HTR4: variants seen among roughly 807,000 people sequenced by gnomAD.
The protein encoded by HTR4 is 5-hydroxytryptamine receptor 4.
Under a neutral mutation model 36.8 loss-of-function variants are expected in HTR4, and 16 were observed. The observed-to-expected ratio is 0.43, with a 90% CI of 0.29 to 0.66. The LOEUF is 0.66. Among genes scored for constraint, HTR4 ranks in the 30% least tolerant of loss-of-function variants. The probability of loss-of-function intolerance (pLI) is 0.13; values close to 1 mark genes in which losing one functional copy is unlikely to be tolerated. For synonymous variants in HTR4, 189 were observed against 185.1 expected, an observed-to-expected ratio of 1.02 and a Z score of -0.17; for missense variants, 438 against 490.9, an observed-to-expected ratio of 0.89 and a Z score of 1.02.
At chr5:148,606,256 C>A (rs1752159560) in intron 2 of HTR4, among the ~76,000 whole-genome samples, 1 of 151,916 alleles carries the variant, frequency 6.6e-6, no homozygotes, top group Non-Finnish European at 1.5e-5. Flanking sequence ...AAAATTAGAG[C>A]TGAGAGAATG....
intron 6 of HTR4, chr5:148,490,803 C>T: frequency 1.2e-6 from 1 of 835,944 alleles, no homozygotes; most frequent in Non-Finnish European, 1.7e-6. Context: ...CTCTCTCCCT[C>T]ACATTATGCA....
chr5:148,520,508 G>C (rs1453273002), intron 5 of HTR4, among the ~76,000 whole-genome samples: 2 of 152,152 alleles, frequency 1.3e-5, no homozygotes, highest in African/African-American at 4.8e-5. Context: ...TAAATTAAGA[G>C]CACAGACTCT....
chr5:148,603,267 A>G (rs1408090697), intron 2 of HTR4, among the ~76,000 whole-genome samples: 1 of 152,062 alleles, frequency 6.6e-6, no homozygotes, highest in Non-Finnish European at 1.5e-5. Context: ...GCAATTCTCC[A>G]TGTTAATAAA....
chr5:148,514,721 C>T lies in HTR4; in HGVS notation c.508-4697G>A, dbSNP rs1757655492. 2.6e-5 allele frequency among the ~76,000 whole-genome samples: 4 copies of T among 152,040 alleles called. No individual in the cohort carries two copies. The South Asian group carries it at 6.2e-4, about 24-fold the overall frequency. On this transcript the variant is annotated intron_variant, in intron 5 of 6. Transcript: ENST00000377888. Reference sequence around the variant, plus strand: ...CATATTCAGTATCTTGTTTTATAGACTATTATAAGGTTATCATGTATCATC... The same window carrying T: ...CATATTCAGTATCTTGTTTTATAGATTATTATAAGGTTATCATGTATCATC...
chr5:148,580,725 A>T (rs1483312286), intron 2 of HTR4, among the ~76,000 whole-genome samples: 2 of 152,076 alleles, frequency 1.3e-5, no homozygotes, highest in Admixed American at 6.6e-5. Context: ...AGGCTAAATA[A>T]TATTCAACTT....
intron 2 of HTR4, among the ~76,000 whole-genome samples, chr5:148,626,916 G>A (rs1245137099): frequency 6.6e-6 from 1 of 152,122 alleles, no homozygotes; most frequent in Admixed American, 6.5e-5. Flanking sequence ...ATGTTCCACA[G>A]TTATCTCCAT....
At chr5:148,548,105 T>C (rs1759480015) in intron 4 of HTR4, among the ~76,000 whole-genome samples, 3 of 152,128 alleles carry the variant, frequency 2.0e-5, no homozygotes, top group Non-Finnish European at 4.4e-5. Flanking sequence ...AAAATAAAAT[T>C]ATGCCACAAG....
In HTR4 at chr5:148,451,268, T is replaced by C. The variant is rs1296116338; in HGVS notation, c.1081A>G (p.Thr361Ala). 3.7e-6 allele frequency: 6 copies of C among 1,613,756 alleles called. No individual in the cohort carries two copies. The Admixed American group carries it at 5.0e-5, about 13-fold the overall frequency. ...TGATGATGTCCCCTGTGCAGAACGGTGTACCTAGAAAGGAAGGAAAGAAGG... is the reference window on the plus strand; with the variant it reads ...TGATGATGTCCCCTGTGCAGAACGGCGTACCTAGAAAGGAAGGAAAGAAGG... The change falls in exon 6 of 6, where the codon ACC becomes GCC. Residue 361 changes from threonine to alanine, a missense_variant. Thr to Ala is a moderately conservative substitution (Grantham distance 58, BLOSUM62 0). Transcript: ENST00000521530.
chr5:148,644,850 A>G (rs1384462712), intron 1 of HTR4: 1 of 152,192 alleles, frequency 6.6e-6, no homozygotes, highest in Non-Finnish European at 1.5e-5. Flanking sequence ...TTTCAGGTCC[A>G]TCATTGGAAG....
intron 4 of HTR4, among the ~76,000 whole-genome samples, chr5:148,534,338 C>G (rs773596142): frequency 6.6e-6 from 1 of 152,162 alleles, no homozygotes; most frequent in Non-Finnish European, 1.5e-5. Context: ...AGTGGGAGAT[C>G]CAAGGTGACT....
chr5:148,507,134 T>C (rs1656019896), intron 6 of HTR4, among the ~76,000 whole-genome samples: 1 of 151,824 alleles, frequency 6.6e-6, no homozygotes, highest in African/African-American at 2.4e-5. Context: ...CAAATGTCCA[T>C]CAATGATAGA....
intron 6 of HTR4, among the ~76,000 whole-genome samples, chr5:148,507,703 C>T (rs959172449): frequency 1.3e-5 from 2 of 151,958 alleles, no homozygotes; most frequent in Non-Finnish European, 2.9e-5. Context: ...AACAATACAT[C>T]TTATTTAGTA....
intron 2 of HTR4, among the ~76,000 whole-genome samples, chr5:148,575,559 C>A (rs1009565428): frequency 2.0e-5 from 3 of 151,962 alleles, no homozygotes. Flanking sequence ...ACACCTGCTA[C>A]CCACTCCTAG....
At chr5:148,645,285 A>T (rs1434712644) in intron 1 of HTR4, 1 of 152,180 alleles carries the variant, frequency 6.6e-6, no homozygotes, top group Non-Finnish European at 1.5e-5. Flanking sequence ...CAACTACTCA[A>T]CTCTGCTGTG....
At chr5:148,578,075 C>T (rs1254929931) in intron 2 of HTR4, among the ~76,000 whole-genome samples, 1 of 151,868 alleles carries the variant, frequency 6.6e-6, no homozygotes, top group East Asian at 1.9e-4. Flanking sequence ...TACTAAATAT[C>T]ATTTTGTAAT....
chr5:148,570,009 C>G (rs1760610772), intron 2 of HTR4, among the ~76,000 whole-genome samples: 1 of 152,060 alleles, frequency 6.6e-6, no homozygotes, highest in Non-Finnish European at 1.5e-5. Context: ...TGCACTCTGG[C>G]CAACACCTAA....
chr5:148,522,889 G>C (rs1758087303), intron 5 of HTR4, among the ~76,000 whole-genome samples: 1 of 152,038 alleles, frequency 6.6e-6, no homozygotes, highest in South Asian at 2.1e-4. Context: ...TATCAAGGGT[G>C]GGGGATTCTG....
At chr5:148,634,132 C>A (rs1172712723) in intron 2 of HTR4, among the ~76,000 whole-genome samples, 8 of 152,168 alleles carry the variant, frequency 5.3e-5, no homozygotes, top group African/African-American at 1.9e-4. Flanking sequence ...TAGGACCACT[C>A]TGTCTCTTGA....
At chr5:148,642,643 C>T (rs1487951937) in intron 1 of HTR4, among the ~76,000 whole-genome samples, 1 of 152,066 alleles carries the variant, frequency 6.6e-6, no homozygotes, top group Non-Finnish European at 1.5e-5. Context: ...CCATGATGAT[C>T]GTGATTTCCT....
Sources: gnomAD v4.1 joint callset for allele counts (sites outside exome capture counted in the v4.1 genomes callset) on GRCh38, gnomAD v4.1.1 for gene constraint, MANE v1.5 for transcripts, NCBI Gene and HGNC (gene_info 2026-07-23, HGNC 2026-07-21) for gene names.